PANK3: variants seen among roughly 807,000 people sequenced by gnomAD.
PANK3 encodes the protein pantothenate kinase 3, also known as hPanK3.
Under a neutral mutation model 39.4 loss-of-function variants are expected in PANK3, and 20 were observed. The observed-to-expected ratio is 0.51, with a 90% CI of 0.36 to 0.74. PANK3 has a LOEUF of 0.74. Ranked by LOEUF, PANK3 falls within the 30% of genes least tolerant of loss-of-function variation. PANK3 has a pLI of 0.00. For synonymous variants in PANK3, 140 were observed against 157.3 expected, an observed-to-expected ratio of 0.89 and a Z score of 0.82; for missense variants, 265 against 437.0, an observed-to-expected ratio of 0.61 and a Z score of 3.51.
rs1234269194 is a variant in PANK3 at position 168,551,218 on chromosome 5, G to C, written c.*6353C>G. On this transcript the variant is annotated 3_prime_UTR_variant, in exon 7 of 7. Transcript: ENST00000239231. ...AACACACTATTTTCTGAGATTATCT[G>C]ATGATAGAAACAAAGTTGGCTGAAT... The C allele has an allele frequency of 1.3e-5, 2 of 152,130 alleles. No individual in the cohort carries two copies. Among genetic ancestry groups the C allele is most frequent in the Non-Finnish European group, 2.9e-5 (2 of 68,002 alleles). 9.4% of individuals were successfully genotyped at this position (152,130 alleles called of 1,614,324 possible). A position where few individuals can be genotyped will look rare whatever the true frequency, so the allele number is the denominator to read the frequency against.
Position 168,553,536 on chromosome 5 carries a change from T to C in PANK3, c.*4035A>G, listed in dbSNP as rs1359323534. 9.0e-6 allele frequency: 3 copies of C among 333,428 alleles called. No individual in the cohort carries two copies. Among genetic ancestry groups the C allele is most frequent in the East Asian group, 7.9e-5 (1 of 12,680 alleles). The allele number at this position is 333,428 out of a possible 1,614,324, so 20.7% of individuals were successfully genotyped here. On this transcript the variant is annotated 3_prime_UTR_variant, in exon 7 of 7. Coordinates refer to ENST00000239231, the MANE Select transcript of PANK3 (RefSeq NM_024594.4). ...GCCACAGACAAGGGCCAGGGGGACA[T>C]GAGCAAAACCTCAGAGGGAGAGTCT...
chr5:168,558,230 A>C (rs1759384304), intron 6 of PANK3, among the ~76,000 whole-genome samples: 1 of 144,232 alleles, frequency 6.9e-6, no homozygotes, highest in African/African-American at 2.6e-5. Context: ...CGCCATCTCG[A>C]CTCACTGCAG....
At chr5:168,565,992 T>C (rs755263215) in intron 3 of PANK3, 21 bp downstream of exon 3, 1 of 1,593,526 alleles carries the variant, frequency 6.3e-7, no homozygotes. Flanking sequence ...AATGCAGCAA[T>C]ACAACCAAAA....
chr5:168,566,786 C>T (rs752209245), intron 2 of PANK3, among the ~76,000 whole-genome samples: 3 of 152,212 alleles, frequency 2.0e-5, no homozygotes, highest in Non-Finnish European at 4.4e-5. Context: ...CTCTGTCACT[C>T]AGGCTGGAGT....
At chr5:168,577,938 C>A (rs909031135) in intron 1 of PANK3, among the ~76,000 whole-genome samples, 2 of 152,184 alleles carry the variant, frequency 1.3e-5, no homozygotes, top group East Asian at 3.8e-4. Flanking sequence ...AATTTAAAGT[C>A]TCTCTATATT....
chr5:168,577,101 G>C (rs1391231879), intron 1 of PANK3, among the ~76,000 whole-genome samples: 1 of 151,706 alleles, frequency 6.6e-6, no homozygotes, highest in Non-Finnish European at 1.5e-5. Flanking sequence ...GGCTGGTCTC[G>C]AACTCCTGAC....
Position 168,555,916 on chromosome 5 carries a change from G to C in PANK3, c.*1655C>G, listed in dbSNP as rs892035479. On this transcript the variant is annotated 3_prime_UTR_variant, in exon 7 of 7. Transcript: ENST00000239231. Reference sequence around the variant, plus strand: ...CATTGATACTGATAAAGTTGCCTAAGACACAACTTCCTACATAGAGGAAAT... The same window carrying C: ...CATTGATACTGATAAAGTTGCCTAACACACAACTTCCTACATAGAGGAAAT... 1 of 152,186 alleles carries C rather than the reference G, an allele frequency of 6.6e-6. No individual in the cohort carries two copies. Among genetic ancestry groups the C allele is most frequent in the African/African-American group, 2.4e-5 (1 of 41,424 alleles). 9.4% of individuals were successfully genotyped at this position (152,186 alleles called of 1,614,324 possible).
Position 168,556,783 on chromosome 5 carries a change from GCA to G in PANK3, c.*786_*787del, listed in dbSNP as rs1332364987. On this transcript the variant is annotated 3_prime_UTR_variant, in exon 7 of 7. Transcript: ENST00000239231. ...TGACCAAAACAAACAAACAAAAAGA[GCA>G]CAGTGAACTCAAATCATATTCCATT... The G allele has an allele frequency of 1.3e-5, 2 of 152,566 alleles. No homozygotes were observed. The highest frequency in any genetic ancestry group is 2.4e-5 in the African/African-American group (1 of 41,406). The allele number at this position is 152,566 out of a possible 1,614,324, so 9.5% of individuals were successfully genotyped here. A position where few individuals can be genotyped will look rare whatever the true frequency, so the allele number is the denominator to read the frequency against.
chr5:168,554,861 G>A lies in PANK3; in HGVS notation c.*2710C>T, dbSNP rs1382995529. On this transcript the variant is annotated 3_prime_UTR_variant, in exon 7 of 7. Transcript: ENST00000239231. Reference sequence around the variant, plus strand: ...TTTAGGGCAATCTTTAAGAAAAAATGGAATGGTCAGAGTCTAAGTTATTTC... The same window carrying A: ...TTTAGGGCAATCTTTAAGAAAAAATAGAATGGTCAGAGTCTAAGTTATTTC... 2.6e-5 allele frequency: 4 copies of A among 152,184 alleles called. No homozygotes were observed. The highest frequency in any genetic ancestry group is 1.3e-4 in the Admixed American group (2 of 15,280). 9.4% of individuals were successfully genotyped at this position (152,184 alleles called of 1,614,324 possible). A position where few individuals can be genotyped will look rare whatever the true frequency, so the allele number is the denominator to read the frequency against.
intron 6 of PANK3, among the ~76,000 whole-genome samples, chr5:168,558,225 T>A (rs2113104990): frequency 7.0e-6 from 1 of 142,794 alleles, no homozygotes; most frequent in African/African-American, 2.5e-5. Flanking sequence ...AGTGGCGCCA[T>A]CTCGACTCAC....
intron 1 of PANK3, among the ~76,000 whole-genome samples, chr5:168,575,116 TG>T (rs1215815699): frequency 6.6e-6 from 1 of 152,174 alleles, no homozygotes; most frequent in African/African-American, 2.4e-5. Flanking sequence ...ACTTTGATGA[TG>T]GTCAATATAC....
rs116653616 is a variant in PANK3, at chr5:168,554,264, T to C, written c.*3307A>G. On this transcript the variant is annotated 3_prime_UTR_variant, in exon 7 of 7. Transcript: ENST00000239231. ...AATGCTTGGGGATAAAATTGACTTC[T>C]ATACATTACCAGTAAATCTAGATGT... The C allele has an allele frequency of 2.0e-5, 3 of 152,364 alleles. No homozygotes were observed. Among genetic ancestry groups the C allele is most frequent in the African/African-American group, 7.2e-5 (3 of 41,588 alleles). 9.4% of individuals were successfully genotyped at this position (152,364 alleles called of 1,614,324 possible).
intron 1 of PANK3, among the ~76,000 whole-genome samples, chr5:168,577,870 C>T (rs938068708): frequency 2.6e-5 from 4 of 152,124 alleles, no homozygotes; most frequent in Non-Finnish European, 5.9e-5. Context: ...GGGAAAATGT[C>T]CAAGTGTTCT....
rs535223857 is a variant in PANK3 at position 168,555,154 on chromosome 5, T to C, written c.*2417A>G. ...AATACCACAATTCCTCAAAGCTCTA[T>C]GTTCTTAACGGTGCTGTCTTAATAG... On this transcript the variant is annotated 3_prime_UTR_variant, in exon 7 of 7. Coordinates refer to ENST00000239231, the MANE Select transcript of PANK3 (RefSeq NM_024594.4). 2 of 152,358 alleles carry C rather than the reference T, an allele frequency of 1.3e-5. No individual in the cohort carries two copies. The highest frequency in any genetic ancestry group is 2.9e-5 in the Non-Finnish European group (2 of 68,024). The allele number at this position is 152,358 out of a possible 1,614,324, so 9.4% of individuals were successfully genotyped here. A position where few individuals can be genotyped will look rare whatever the true frequency, so the allele number is the denominator to read the frequency against.
rs1759240871 is a variant in PANK3, at chr5:168,549,372, G to A, written c.*8199C>T. On this transcript the variant is annotated 3_prime_UTR_variant, in exon 7 of 7. Coordinates refer to ENST00000239231, the MANE Select transcript of PANK3 (RefSeq NM_024594.4). ...CATCGATGAAATTCAGACATACAAT[G>A]TAAAGTTGAAATAATCCCAAATTAT... 1 of 152,074 alleles carries A rather than the reference G, an allele frequency of 6.6e-6. No individual in the cohort carries two copies. Among genetic ancestry groups the A allele is most frequent in the South Asian group, 2.1e-4 (1 of 4,824 alleles). 9.4% of individuals were successfully genotyped at this position (152,074 alleles called of 1,614,324 possible). A position where few individuals can be genotyped will look rare whatever the true frequency, so the allele number is the denominator to read the frequency against.
At chr5:168,573,738 A>T (rs1582468545) in intron 1 of PANK3, among the ~76,000 whole-genome samples, 1 of 136,788 alleles carries the variant, frequency 7.3e-6, no homozygotes, top group Admixed American at 8.3e-5. Flanking sequence ...TCATTGTTCA[A>T]TTCCCACCTA....
intron 1 of PANK3, among the ~76,000 whole-genome samples, chr5:168,576,211 A>G (rs565949346): frequency 1.3e-5 from 2 of 152,356 alleles, no homozygotes; most frequent in South Asian, 4.1e-4. Flanking sequence ...CAACAGGCCA[A>G]TCAAATTACA....
intron 1 of PANK3, among the ~76,000 whole-genome samples, chr5:168,570,480 T>C (rs930632467): frequency 6.6e-6 from 1 of 151,454 alleles, no homozygotes; most frequent in African/African-American, 2.4e-5. Flanking sequence ...ATACCTGCCC[T>C]GAAGGAGCGC....
chr5:168,559,104 T>C lies in PANK3; in HGVS notation c.990A>G (p.Ser330=), dbSNP rs772025662. The C allele has an allele frequency of 1.2e-6, 2 of 1,606,778 alleles. No individual in the cohort carries two copies. Among genetic ancestry groups the C allele is most frequent in the Non-Finnish European group, 1.7e-6 (2 of 1,174,236 alleles). ...CCAGTGCATATGCCAAAAGTTTCATTGAGAGGGTATTGACACGTAAAAAGT... is the reference window on the plus strand; with the variant it reads ...CCAGTGCATATGCCAAAAGTTTCATCGAGAGGGTATTGACACGTAAAAAGT... ...VGNFLRVNTL[S]MKLLAYALDY... Residue 330 remains serine (S), a synonymous_variant, in exon 6 of 7, where the codon TCA becomes TCG. Transcript: ENST00000239231.
Sources: allele counts gnomAD v4.1 joint callset (sites outside exome capture counted in the v4.1 genomes callset), GRCh38; gene constraint gnomAD v4.1.1; transcripts MANE v1.5; gene names NCBI Gene and HGNC (gene_info 2026-07-23, HGNC 2026-07-21).